The following KAZN variants were observed in gnomAD, a reference collection of about 807,000 sequenced individuals.
KAZN encodes kazrin, periplakin interacting protein.
In KAZN, 40 loss-of-function variants were observed where a neutral mutation model predicts 87.4. The ratio of observed to expected loss-of-function variants is 0.46; its 90% CI spans 0.36 to 0.60. The LOEUF (loss-of-function observed/expected upper bound fraction) is 0.60. Among genes scored for constraint, KAZN ranks in the 20% least tolerant of loss-of-function variants. The probability of loss-of-function intolerance (pLI) is 0.00; values close to 1 mark genes in which losing one functional copy is unlikely to be tolerated. For synonymous variants in KAZN, 466 were observed against 458.3 expected (o/e 1.02, Z -0.22); for missense variants, 898 against 1,073.9 (o/e 0.84, Z 2.29).
intron 4 of KAZN, among the ~76,000 whole-genome samples, chr1:15,045,007 C>G (rs1026034523): frequency 6.6e-6 from 1 of 152,180 alleles, no homozygotes; most frequent in African/African-American, 2.4e-5. Context: ...CCAGGAGATG[C>G]GTACCCTTTG....
intron 2 of KAZN, among the ~76,000 whole-genome samples, chr1:14,551,776 G>A (rs1673538136): frequency 6.6e-6 from 1 of 152,138 alleles, no homozygotes; most frequent in South Asian, 2.1e-4. Context: ...CACTAGTGAT[G>A]TTGAACCACA....
chr1:15,072,138 C>G (rs1639532177), intron 8 of KAZN, among the ~76,000 whole-genome samples: 1 of 152,190 alleles, frequency 6.6e-6, no homozygotes, highest in African/African-American at 2.4e-5. Flanking sequence ...GTGTACTCAT[C>G]TGTAAAATGG....
At chr1:14,914,003 G>A (rs922359484) in intron 1 of KAZN, among the ~76,000 whole-genome samples, 8 of 152,198 alleles carry the variant, frequency 5.3e-5, no homozygotes, top group African/African-American at 1.7e-4. Flanking sequence ...ACCTTGCCAC[G>A]CTCCACTGCC....
In KAZN at chr1:15,056,255, C is replaced by G; in HGVS notation, c.891C>G (p.His297Gln). ...RQSQQTLYHS[H>Q]PPHPADRQAV... ...GTCAACAGACTCTCTACCACTCACA[C>G]CCCCCTCACCCTGCGGACCGGCAAG... The change falls in exon 5 of 15, where the codon CAC (histidine) becomes CAG (glutamine). Residue 297 changes from histidine (H) to glutamine (Q), a missense_variant. Coordinates refer to ENST00000376030, the MANE Select transcript of KAZN (RefSeq NM_201628.3). The surrounding 1 kb of genome is among the most constrained non-coding windows in gnomAD (Gnocchi z 5.4). 6.2e-7 allele frequency: 1 copy of G among 1,608,540 alleles called. No individual in the cohort carries two copies. Among genetic ancestry groups the G allele is most frequent in the Non-Finnish European group, 8.5e-7 (1 of 1,175,592 alleles).
intron 2 of KAZN, among the ~76,000 whole-genome samples, chr1:14,988,477 G>A (rs1239609809): frequency 6.6e-6 from 1 of 152,214 alleles, no homozygotes; most frequent in Non-Finnish European, 1.5e-5. Context: ...GGAGGGAATC[G>A]TGATGAAGAA....
At chr1:13,975,427 G>A (rs977458483) in intron 1 of KAZN, among the ~76,000 whole-genome samples, 3 of 152,188 alleles carry the variant, frequency 2.0e-5, no homozygotes, top group African/African-American at 7.2e-5. Flanking sequence ...TGCTTCAGAG[G>A]CTCGACTCTT....
At chr1:14,383,215 G>A (rs548182811) in intron 2 of KAZN, among the ~76,000 whole-genome samples, 281 of 151,576 alleles carry the variant, frequency 1.9e-3, no homozygotes, top group African/African-American at 6.5e-3. Flanking sequence ...CTGGATATTA[G>A]CCCTTTGTCA....
At position 14,447,779 on chromosome 1, in the gene KAZN, C is replaced by T. The variant is rs575548915; in HGVS notation, c.250-151204C>T. ...CTAAGTCCTTTAGATGCCCTGACTA[C>T]TTCAAATCTCACAACAACATCAAAG... On this transcript the variant is annotated intron_variant, in intron 2 of 16. Coordinates refer to the KAZN transcript ENST00000636203. 2.4e-4 allele frequency among the ~76,000 whole-genome samples: 36 copies of T among 152,084 alleles called. No homozygotes were observed. In the South Asian group the frequency reaches 7.3e-3, roughly 31 times the overall value.
intron 2 of KAZN, among the ~76,000 whole-genome samples, chr1:15,032,808 G>GGGT (rs1435656375): frequency 2.0e-5 from 3 of 151,992 alleles, no homozygotes; most frequent in Non-Finnish European, 4.4e-5. Context: ...AATTAGCCTG[G>GGGT]GGTGGTGGTG....
chr1:14,365,903 T>C (rs1659956667), intron 2 of KAZN, among the ~76,000 whole-genome samples: 1 of 152,218 alleles, frequency 6.6e-6, no homozygotes, highest in Admixed American at 6.5e-5. Flanking sequence ...TTGCTAATAA[T>C]AACGACTCAA....
In KAZN at chr1:14,137,128, G is replaced by A. The variant is rs549222139; in HGVS notation, c.92-43307G>A. Among the ~76,000 whole-genome samples the A allele has an allele frequency of 1.6e-4, 25 of 152,300 alleles. No individual in the cohort carries two copies. The South Asian group carries it at 4.8e-3, about 29-fold the overall frequency. On this transcript the variant is annotated intron_variant, in intron 1 of 16. Transcript: ENST00000636203. ...CGCTGCTGGGAAGTCAAAGGGAAACGCTTTCATTAAGGAACCATCCCAGCC... is the reference window on the plus strand; with the variant it reads ...CGCTGCTGGGAAGTCAAAGGGAAACACTTTCATTAAGGAACCATCCCAGCC...
chr1:14,915,209 G>A (rs534451854), intron 1 of KAZN, among the ~76,000 whole-genome samples: 24 of 152,260 alleles, frequency 1.6e-4, no homozygotes, highest in South Asian at 1.2e-3. Context: ...AAAAAGAAAA[G>A]AAAATGAGCT....
Position 15,101,724 on chromosome 1 carries a change from A to C in KAZN, c.1729A>C (p.Ser577Arg). Reference sequence around the variant, plus strand: ...CGTGTCCAAGAAGTTCCACCAGGTCAGCATCCTGCTGGGGATCGAGCTGCT... The same window carrying C: ...CGTGTCCAAGAAGTTCCACCAGGTCCGCATCCTGCTGGGGATCGAGCTGCT... The part of the protein sequence containing the change: ...LNVSKKFHQV[S>R]ILLGIELLYQ... The change falls in exon 11 of 15, where the codon AGC becomes CGC. Residue 577 changes from serine (S) to arginine (R), a missense_variant. Ser to Arg is a moderately radical substitution (Grantham distance 110). Coordinates refer to ENST00000376030, the MANE Select transcript of KAZN (RefSeq NM_201628.3). 1.3e-6 allele frequency: 2 copies of C among 1,593,976 alleles called. No individual in the cohort carries two copies. Among genetic ancestry groups the C allele is most frequent in the South Asian group, 1.1e-5 (1 of 87,308 alleles).
At chr1:14,826,689 T>C (rs1183534003) in intron 1 of KAZN, among the ~76,000 whole-genome samples, 1 of 152,150 alleles carries the variant, frequency 6.6e-6, no homozygotes, top group Non-Finnish European at 1.5e-5. Context: ...CTGGATTTTT[T>C]TTCATCTCGG....
At chr1:14,063,641 T>C (rs930935781) in intron 1 of KAZN, among the ~76,000 whole-genome samples, 1 of 152,188 alleles carries the variant, frequency 6.6e-6, no homozygotes, top group African/African-American at 2.4e-5. Context: ...GGGACTTATA[T>C]AGAGGTTTCA....
chr1:14,346,199 G>C (rs535743556), intron 2 of KAZN, among the ~76,000 whole-genome samples: 1 of 152,250 alleles, frequency 6.6e-6, no homozygotes, highest in East Asian at 1.9e-4. Flanking sequence ...GCTTGTTACT[G>C]TACATGAAAA....
intron 1 of KAZN, among the ~76,000 whole-genome samples, chr1:14,018,042 A>G (rs1196895951): frequency 6.6e-6 from 1 of 152,186 alleles, no homozygotes; most frequent in Non-Finnish European, 1.5e-5. Context: ...CCCTATGATT[A>G]AATTATTATC....
intron 1 of KAZN, among the ~76,000 whole-genome samples, chr1:14,697,234 G>A (rs1641663435): frequency 6.6e-6 from 1 of 151,954 alleles, no homozygotes; most frequent in South Asian, 2.1e-4. Context: ...AGAGGCTGAG[G>A]CAGGCGGATT....
intron 2 of KAZN, among the ~76,000 whole-genome samples, chr1:14,362,039 CA>C (rs1217995731): frequency 2.0e-5 from 3 of 152,144 alleles, no homozygotes; most frequent in Non-Finnish European, 4.4e-5. Flanking sequence ...AGAAACTGCC[CA>C]AAAGCCAGTG....
Sources: gnomAD v4.1 joint callset for allele counts (sites outside exome capture counted in the v4.1 genomes callset) on GRCh38, gnomAD v4.1.1 for gene constraint, Gnocchi (gnomAD v3.1) non-coding constraint, MANE v1.5 for transcripts, NCBI Gene and HGNC (gene_info 2026-07-23, HGNC 2026-07-21) for gene names.